DCC: variants seen among roughly 807,000 people sequenced by gnomAD.
DCC encodes the protein netrin receptor DCC.
Under a neutral mutation model 172.5 loss-of-function variants are expected in DCC, and 58 were observed. The ratio of observed to expected loss-of-function variants is 0.34; its 90% CI spans 0.27 to 0.42. The LOEUF (loss-of-function observed/expected upper bound fraction) is 0.42, where lower values mean the gene tolerates loss of function less well. Among genes scored for constraint, DCC ranks in the 10% least tolerant of loss-of-function variants. The probability of loss-of-function intolerance (pLI) is 1.00; values close to 1 mark genes in which losing one functional copy is unlikely to be tolerated. For synonymous variants in DCC, 709 were observed against 644.5 expected (o/e 1.10, Z -1.52); for missense variants, 1,740 against 1,791.0 (o/e 0.97, Z 0.51).
At chr18:52,621,741 C>A (rs1354502130) in intron 1 of DCC, among the ~76,000 whole-genome samples, 1 of 152,164 alleles carries the variant, frequency 6.6e-6, no homozygotes. Context: ...AAAGTGTGAA[C>A]TCGAATGTTT....
chr18:53,022,544 C>CGTGTGTGTGT (rs10686492), intron 5 of DCC, among the ~76,000 whole-genome samples: 1 of 85,562 alleles, frequency 1.2e-5, no homozygotes, highest in Non-Finnish European at 3.3e-5. Context: ...TATATATGTG[C>CGTGTGTGTGT]GTGTGTGTGT....
rs1050199056 is a variant in DCC, at chr18:53,357,857, A to G, written c.2359+17950A>G. Among the ~76,000 whole-genome samples, 3 of 152,158 alleles carry G rather than the reference A, an allele frequency of 2.0e-5. No homozygotes were observed. The East Asian group carries it at 5.8e-4, about 29-fold the overall frequency. The stretch of plus-strand genomic sequence containing the variant: ...TCAGAATAGTTCATTGAAAATTCAT[A>G]TTGTGTGCTGTATAAGCCATTCTAG... On this transcript the variant is annotated intron_variant, in intron 15 of 28. Transcript: ENST00000442544.
At chr18:52,677,509 G>T (rs1026238363) in intron 1 of DCC, among the ~76,000 whole-genome samples, 8 of 151,460 alleles carry the variant, frequency 5.3e-5, no homozygotes, top group Non-Finnish European at 7.4e-5. Context: ...TATTATTATT[G>T]TTTCTATTGT....
intron 11 of DCC, among the ~76,000 whole-genome samples, chr18:53,215,160 AG>A (rs1358530114): frequency 6.6e-6 from 1 of 152,198 alleles, no homozygotes; most frequent in African/African-American, 2.4e-5. Flanking sequence ...AAAATTATGC[AG>A]ATTCTGAAAT....
chr18:53,447,594 T>G (rs1912696089), intron 22 of DCC, among the ~76,000 whole-genome samples: 1 of 152,210 alleles, frequency 6.6e-6, no homozygotes, highest in Non-Finnish European at 1.5e-5. Context: ...TTAAAAATGT[T>G]GACAAGGTGT....
chr18:52,597,241 A>T (rs1373379903), intron 1 of DCC, among the ~76,000 whole-genome samples: 5 of 152,164 alleles, frequency 3.3e-5, no homozygotes, highest in Non-Finnish European at 7.3e-5. Flanking sequence ...GCTTTGCCAA[A>T]CCTGTCAGAA....
rs577248546 is a variant in DCC, at chr18:52,943,504, C to T, written c.985+18134C>T. Among the ~76,000 whole-genome samples, 10 of 152,080 alleles carry T rather than the reference C, an allele frequency of 6.6e-5. No individual in the cohort carries two copies. In the South Asian group the frequency reaches 1.9e-3, roughly 28 times the overall value. ...ACATCTGAGAGTTCAAGGGTACAAA[C>T]AGTAAAAATGTTTTGTAATCTCTAT... On this transcript the variant is annotated intron_variant, in intron 5 of 28. Transcript: ENST00000442544.
At chr18:52,581,679 C>T (rs1185034483) in intron 1 of DCC, among the ~76,000 whole-genome samples, 1 of 152,112 alleles carries the variant, frequency 6.6e-6, no homozygotes, top group Admixed American at 6.5e-5. Flanking sequence ...GATTTCTTCA[C>T]CCCTTCATTT....
intron 1 of DCC, among the ~76,000 whole-genome samples, chr18:52,744,958 G>GC (rs1208374514): frequency 6.6e-6 from 1 of 152,132 alleles, no homozygotes; most frequent in African/African-American, 2.4e-5. Context: ...TCCTCTCATA[G>GC]CCCCTTATGT....
At chr18:52,570,733 G>A (rs2033273665) in intron 1 of DCC, among the ~76,000 whole-genome samples, 1 of 152,164 alleles carries the variant, frequency 6.6e-6, no homozygotes, top group African/African-American at 2.4e-5. Flanking sequence ...ACATAAAGTT[G>A]ATATTTTTAA....
At chr18:53,080,449 G>C (rs2144133280) in intron 7 of DCC, among the ~76,000 whole-genome samples, 1 of 152,200 alleles carries the variant, frequency 6.6e-6, no homozygotes, top group East Asian at 1.9e-4. Context: ...CAAATACTTT[G>C]TTTTACTGAT....
At chr18:53,459,060 G>T (rs541825217) in intron 23 of DCC, among the ~76,000 whole-genome samples, 172 bp from the exon 24 acceptor site, 3 of 152,180 alleles carry the variant, frequency 2.0e-5, no homozygotes, top group Admixed American at 1.3e-4. Context: ...GAAGCTCCAG[G>T]GGGGAAGAGG....
intron 5 of DCC, among the ~76,000 whole-genome samples, chr18:53,022,810 G>A (rs2041900014): frequency 6.6e-6 from 1 of 151,826 alleles, no homozygotes; most frequent in East Asian, 1.9e-4. Context: ...AAATTTAAAT[G>A]TGATGACTGT....
intron 1 of DCC, among the ~76,000 whole-genome samples, chr18:52,742,997 G>A (rs947148849): frequency 3.3e-5 from 5 of 152,112 alleles, no homozygotes; most frequent in Non-Finnish European, 5.9e-5. Context: ...GGATAAGCAA[G>A]GTTATGGACA....
At chr18:53,381,525 T>C (rs1907729785) in intron 15 of DCC, among the ~76,000 whole-genome samples, 1 of 151,092 alleles carries the variant, frequency 6.6e-6, no homozygotes, top group Admixed American at 6.6e-5. Context: ...TCTCCTAGCA[T>C]AAACACCTGT....
intron 2 of DCC, among the ~76,000 whole-genome samples, chr18:52,801,884 T>A (rs1354952228): frequency 6.6e-6 from 1 of 152,182 alleles, no homozygotes; most frequent in Non-Finnish European, 1.5e-5. Flanking sequence ...TTTTTTTCTC[T>A]ATGTGCTTGT....
chr18:52,941,234 G>C (rs374204581), intron 5 of DCC: 3 of 152,028 alleles, frequency 2.0e-5, no homozygotes, highest in African/African-American at 4.8e-5. Context: ...TACTGATGCT[G>C]TTCCCTTCTA....
intron 12 of DCC, among the ~76,000 whole-genome samples, chr18:53,279,636 TTAAAG>T (rs1176053387): frequency 9.6e-6 from 1 of 104,214 alleles, no homozygotes; most frequent in African/African-American, 3.3e-5. Context: ...ACCCTAAAAC[TTAAAG>T]TATAATAAAA....
chr18:52,467,931 G>A (rs963217554), intron 1 of DCC, among the ~76,000 whole-genome samples: 5 of 152,128 alleles, frequency 3.3e-5, no homozygotes, highest in African/African-American at 9.7e-5. Context: ...TAAGTTCCTT[G>A]TAGATTCTGG....
Sources: allele counts gnomAD v4.1 joint callset (sites outside exome capture counted in the v4.1 genomes callset), GRCh38; gene constraint gnomAD v4.1.1; transcripts MANE v1.5; gene names NCBI Gene and HGNC (gene_info 2026-07-23, HGNC 2026-07-21).